CACNA1E: variants seen among roughly 807,000 people sequenced by gnomAD.
CACNA1E encodes voltage-dependent R-type calcium channel subunit alpha-1E.
In CACNA1E, 40 loss-of-function variants were observed where a neutral mutation model predicts 259.2. The ratio of observed to expected loss-of-function variants is 0.15; its 90% CI spans 0.12 to 0.20. CACNA1E has a LOEUF of 0.20. CACNA1E is among the 10% of genes least tolerant of loss of function. CACNA1E has a pLI of 1.00. For missense variants in CACNA1E, 1,874 were observed against 3,040.1 expected, an observed-to-expected ratio of 0.62 and a Z score of 9.02; for synonymous variants, 1,104 against 1,138.5, an observed-to-expected ratio of 0.97 and a Z score of 0.61.
chr1:181,409,360 C>T (rs751116032), intron 1 of CACNA1E, among the ~76,000 whole-genome samples: 8 of 152,168 alleles, frequency 5.3e-5, no homozygotes, highest in African/African-American at 7.2e-5. Context: ...TATATCACTT[C>T]CACTCACAAC....
intron 1 of CACNA1E, among the ~76,000 whole-genome samples, chr1:181,374,768 A>T (rs1571701571): frequency 6.6e-6 from 1 of 152,218 alleles, no homozygotes; most frequent in African/African-American, 2.4e-5. Flanking sequence ...AGCATGGCTG[A>T]AAAACTGTTT....
chr1:181,757,572 T>A (rs1658197215), intron 30 of CACNA1E, among the ~76,000 whole-genome samples: 1 of 152,210 alleles, frequency 6.6e-6, no homozygotes, highest in Non-Finnish European at 1.5e-5. Flanking sequence ...GGAACTGAAC[T>A]AGAAACTGTT....
At chr1:181,599,200 G>A (rs1653502626) in intron 6 of CACNA1E, among the ~76,000 whole-genome samples, 1 of 151,882 alleles carries the variant, frequency 6.6e-6, no homozygotes, top group African/African-American at 2.4e-5. Flanking sequence ...CCACTTATAA[G>A]TGAGAACATG....
At chr1:181,417,530 G>T (rs1214890786) in intron 2 of CACNA1E, among the ~76,000 whole-genome samples, 1 of 152,110 alleles carries the variant, frequency 6.6e-6, no homozygotes, top group Admixed American at 6.5e-5. Context: ...TATTCTTCAT[G>T]TACATATGGG....
Position 181,752,330 on chromosome 1 carries a change from G to A in CACNA1E, c.3828+91G>A. 2 of 922,558 alleles carry A rather than the reference G, an allele frequency of 2.2e-6. 1 individual carries two copies. Among genetic ancestry groups the A allele is most frequent in the South Asian group, 2.7e-5 (2 of 73,946 alleles). 57.1% of individuals were successfully genotyped at this position (922,558 alleles called of 1,614,324 possible). A position where few individuals can be genotyped will look rare whatever the true frequency, so the allele number is the denominator to read the frequency against. On this transcript the variant is annotated intron_variant, in intron 27 of 47. Coordinates refer to ENST00000367573, the MANE Select transcript of CACNA1E (RefSeq NM_001205293.3). Reference sequence around the variant, plus strand: ...GGCCTGCCTTTGGAGAATTTGTTCTGGGAATATTCCTTTTTCTCACACGGA... The same window carrying A: ...GGCCTGCCTTTGGAGAATTTGTTCTAGGAATATTCCTTTTTCTCACACGGA...
intron 1 of CACNA1E, among the ~76,000 whole-genome samples, chr1:181,344,565 G>C (rs1471555170): frequency 1.3e-5 from 2 of 152,190 alleles, no homozygotes; most frequent in Non-Finnish European, 2.9e-5. Flanking sequence ...AAAAATGACT[G>C]AATAATTGCC....
rs1166913227 is a variant in CACNA1E, at chr1:181,799,537, G to A, written c.*703G>A. On this transcript the variant is annotated 3_prime_UTR_variant, in exon 48 of 48. Coordinates refer to ENST00000367573, the MANE Select transcript of CACNA1E (RefSeq NM_001205293.3). ...AGAAACAGAACTGGTGGTGCTGGGGGGTATAGCCCCCCATCCTTGAGGCCT... is the reference window on the plus strand; with the variant it reads ...AGAAACAGAACTGGTGGTGCTGGGGAGTATAGCCCCCCATCCTTGAGGCCT... The A allele has an allele frequency of 6.5e-6, 1 of 152,768 alleles. No homozygotes were observed. The highest frequency in any genetic ancestry group is 1.5e-5 in the Non-Finnish European group (1 of 68,176). 9.5% of individuals were successfully genotyped at this position (152,768 alleles called of 1,614,324 possible).
At chr1:181,681,721 T>C (rs1255462384) in intron 7 of CACNA1E, among the ~76,000 whole-genome samples, 1 of 152,224 alleles carries the variant, frequency 6.6e-6, no homozygotes, top group Non-Finnish European at 1.5e-5. Flanking sequence ...AATGCTGGTC[T>C]ACCACCTACC....
At chr1:181,630,070 G>T (rs924466622) in intron 6 of CACNA1E, among the ~76,000 whole-genome samples, 2 of 152,146 alleles carry the variant, frequency 1.3e-5, no homozygotes, top group Middle Eastern at 3.4e-3. Context: ...GAAGATAGGT[G>T]GGAAGAAAAC....
intron 1 of CACNA1E, among the ~76,000 whole-genome samples, chr1:181,376,648 C>T (rs138924763): frequency 9.1e-4 from 139 of 152,182 alleles, no homozygotes; most frequent in African/African-American, 2.5e-3. Context: ...GCAGGGTTGG[C>T]GGGGATGGGA....
At chr1:181,404,206 C>T (rs561221902) in intron 1 of CACNA1E, among the ~76,000 whole-genome samples, 5 of 152,264 alleles carry the variant, frequency 3.3e-5, no homozygotes, top group South Asian at 2.1e-4. Context: ...GGGGATGGAA[C>T]GATCTTGAGG....
intron 12 of CACNA1E, 93 bp from the exon 13 acceptor site, chr1:181,719,658 C>A (rs1037883990): frequency 1.2e-5 from 7 of 599,342 alleles, no homozygotes; most frequent in Non-Finnish European, 1.8e-5. Flanking sequence ...TCCCCATCCC[C>A]CACTGAGAGC....
chr1:181,621,761 C>T (rs761411557), intron 6 of CACNA1E, among the ~76,000 whole-genome samples: 30 of 152,124 alleles, frequency 2.0e-4, no homozygotes, highest in Admixed American at 1.0e-3. Context: ...TTAGTGTTAT[C>T]AGCCATCTTT....
intron 1 of CACNA1E, among the ~76,000 whole-genome samples, chr1:181,364,330 G>A (rs923992439): frequency 2.0e-5 from 3 of 152,174 alleles, no homozygotes; most frequent in African/African-American, 2.4e-5. Context: ...TATGATGCCC[G>A]TCGTTAATTG....
intron 6 of CACNA1E, among the ~76,000 whole-genome samples, chr1:181,648,251 C>T (rs1416155392): frequency 6.6e-6 from 1 of 152,200 alleles, no homozygotes; most frequent in Non-Finnish European, 1.5e-5. Context: ...ATGCCAAACC[C>T]TTTGTTAGGT....
At chr1:181,789,677 TCTCTC>T (rs1230620984) in intron 43 of CACNA1E, among the ~76,000 whole-genome samples, 3 of 152,238 alleles carry the variant, frequency 2.0e-5, no homozygotes, top group African/African-American at 7.2e-5. Context: ...GCTGCTTCTT[TCTCTC>T]CTAACAAGCC....
chr1:181,500,934 CTT>C, intron 1 of CACNA1E, among the ~76,000 whole-genome samples: 1 of 147,522 alleles, frequency 6.8e-6, no homozygotes, highest in East Asian at 2.0e-4. Context: ...GGGGTGTAGT[CTT>C]GGGTGGGGTT....
chr1:181,373,850 A>C (rs1387970919), intron 1 of CACNA1E, among the ~76,000 whole-genome samples: 2 of 152,150 alleles, frequency 1.3e-5, no homozygotes, highest in African/African-American at 4.8e-5. Flanking sequence ...AGGCAGACAC[A>C]GAGGAGGAGA....
At chr1:181,643,801 C>T (rs10910978) in intron 6 of CACNA1E, among the ~76,000 whole-genome samples, 34,689 of 152,098 alleles carry the variant, frequency 0.23, 4,288 homozygotes, top group African/African-American at 0.3. Flanking sequence ...TTCTTGGCAG[C>T]GGGGAGATGG....
Sources: gnomAD v4.1 joint callset for allele counts (sites outside exome capture counted in the v4.1 genomes callset) on GRCh38, gnomAD v4.1.1 for gene constraint, MANE v1.5 for transcripts, NCBI Gene and HGNC (gene_info 2026-07-23, HGNC 2026-07-21) for gene names.